Variants in PECR observed in about 807,000 individuals in gnomAD.
PECR encodes peroxisomal trans-2-enoyl-CoA reductase.
A neutral mutation model predicts 35.3 loss-of-function variants in PECR; 30 were observed. The ratio of observed to expected loss-of-function variants is 0.85; its 90% CI spans 0.64 to 1.15. The LOEUF (loss-of-function observed/expected upper bound fraction) is 1.15. PECR is among the 50% of genes most tolerant of loss of function. The pLI is 0.00. For synonymous variants in PECR, 148 were observed against 138.9 expected, an observed-to-expected ratio of 1.07 and a Z score of -0.46; for missense variants, 392 against 370.8, an observed-to-expected ratio of 1.06 and a Z score of -0.47.
chr2:216,079,757 G>A (rs56413716), intron 1 of PECR, among the ~76,000 whole-genome samples: 8,993 of 149,708 alleles, frequency 0.06, 884 homozygotes, highest in African/African-American at 0.21. Context: ...CGAGGCGGGC[G>A]GATCACCTGA....
At chr2:216,071,586 T>C (rs1695588708) in intron 1 of PECR, among the ~76,000 whole-genome samples, 1 of 152,106 alleles carries the variant, frequency 6.6e-6, no homozygotes, top group Admixed American at 6.5e-5. Flanking sequence ...TGGAGAAGGG[T>C]GCAACTTACA....
At chr2:216,079,151 C>CTTTTTTTT (rs77646025) in intron 1 of PECR, among the ~76,000 whole-genome samples, 1 of 99,394 alleles carries the variant, frequency 1.0e-5, no homozygotes, top group African/African-American at 3.3e-5. Flanking sequence ...AATGTTTTTG[C>CTTTTTTTT]TTTTTTTTTT....
intron 4 of PECR, among the ~76,000 whole-genome samples, chr2:216,058,231 G>T (rs938016630): frequency 1.3e-5 from 2 of 152,152 alleles, no homozygotes; most frequent in Admixed American, 6.5e-5. Flanking sequence ...AAGTGATGGG[G>T]ATGTGGCTGG....
In PECR at chr2:216,066,456, G is replaced by A. The variant is rs750799592; in HGVS notation, c.187C>T (p.Gln63Ter). ...ERLKSAADELQANLPPTKQAR... is the reference protein window; with the variant it reads ...ERLKSAADEL ...TGCTTTGTGGGAGGTAGGTTGGCCT[G>A]CAGTTCATCTGCCGCAGACTTCAAT... Residue 63 changes from glutamine to a stop codon, truncating the protein, a stop_gained, in exon 2 of 8, where the codon CAG (glutamine) becomes TAG (stop). Transcript: ENST00000265322. LOFTEE classifies it high-confidence loss of function. 8.7e-6 allele frequency: 14 copies of A among 1,613,166 alleles called. No individual in the cohort carries two copies. The highest frequency in any genetic ancestry group is 6.7e-5 in the Admixed American group (4 of 59,994).
chr2:216,046,310 A>AT (rs869225237), intron 6 of PECR, among the ~76,000 whole-genome samples: 2,537 of 96,986 alleles, frequency 0.026, 136 homozygotes, highest in African/African-American at 0.031. Context: ...ATATATATAT[A>AT]TTTTTTTTTT....
chr2:216,035,488 C>T (rs201791191), downstream of PECR, among the ~76,000 whole-genome samples: 65 of 127,832 alleles, frequency 5.1e-4, no homozygotes, highest in Middle Eastern at 3.8e-3. Flanking sequence ...GAGGGCTCTT[C>T]TTTTTTTTTT....
chr2:216,081,778 C>T lies in PECR; in HGVS notation c.-37G>A. On this transcript the variant is annotated 5_prime_UTR_variant, in exon 1 of 8. Coordinates refer to ENST00000265322, the MANE Select transcript of PECR (RefSeq NM_018441.6). ...GGTGCCAGAGCAGCTGAGCGCAGGC[C>T]CTTCTGGGTCTCAGGGACATTCGAG... is the stretch of plus-strand genomic sequence containing the variant. 1 of 1,608,174 alleles carries T rather than the reference C, an allele frequency of 6.2e-7. No individual in the cohort carries two copies. Among genetic ancestry groups the T allele is most frequent in the Non-Finnish European group, 8.5e-7 (1 of 1,179,000 alleles).
chr2:216,034,140 CA>C (rs1263134352), downstream of PECR: 1 of 152,220 alleles, frequency 6.6e-6, no homozygotes, highest in Non-Finnish European at 1.5e-5. Context: ...ACTGCCCAGA[CA>C]GGCTGGTGTT....
chr2:216,060,518 C>T (rs934245946), intron 3 of PECR, among the ~76,000 whole-genome samples: 1 of 152,038 alleles, frequency 6.6e-6, no homozygotes, highest in Admixed American at 6.6e-5. Context: ...AAAAATTAGC[C>T]TGGCATGGTG....
intron 3 of PECR, among the ~76,000 whole-genome samples, chr2:216,064,920 G>C (rs1244902915): frequency 6.6e-6 from 1 of 152,142 alleles, no homozygotes; most frequent in Non-Finnish European, 1.5e-5. Context: ...CTAATTAGTT[G>C]TTAGAGAGCA....
intron 1 of PECR, among the ~76,000 whole-genome samples, chr2:216,078,466 A>G (rs940483880): frequency 6.6e-6 from 1 of 152,032 alleles, no homozygotes; most frequent in Non-Finnish European, 1.5e-5. Context: ...CCCCGTCTCT[A>G]TTAAAAATAC....
chr2:216,042,957 A>G (rs1694913900), intron 7 of PECR, among the ~76,000 whole-genome samples: 1 of 117,254 alleles, frequency 8.5e-6, no homozygotes, highest in African/African-American at 3.2e-5. Context: ...ATGTGTATAT[A>G]TATATACACA....
intron 3 of PECR, among the ~76,000 whole-genome samples, chr2:216,061,579 A>AG (rs1249537441): frequency 6.6e-6 from 1 of 152,146 alleles, no homozygotes; most frequent in Non-Finnish European, 1.5e-5. Context: ...CCATATATGA[A>AG]GGGGTCTTGC....
chr2:216,062,636 T>A (rs1695378704), intron 3 of PECR, among the ~76,000 whole-genome samples: 1 of 152,096 alleles, frequency 6.6e-6, no homozygotes, highest in South Asian at 2.1e-4. Flanking sequence ...ATAAGTAATA[T>A]ATGGTCATAT....
At position 216,058,904 on chromosome 2, in the gene PECR, G is replaced by A. The variant is rs748981310; in HGVS notation, c.497C>T (p.Pro166Leu). The change falls in exon 4 of 8, where the codon CCA (proline) becomes CTA (leucine). Residue 166 changes from proline (P) to leucine (L), a missense_variant. Pro to Leu is a moderately conservative substitution (Grantham distance 98, BLOSUM62 -3). Transcript: ENST00000265322. ...NIIVPTKAGF[P>L]LAVHSGAARA... ...ATATAAAAACGCTTACACAGCTAAT[G>A]GAAATCCAGCTTTAGTAGGGACAAT... is the stretch of plus-strand genomic sequence containing the variant. The A allele has an allele frequency of 3.1e-6, 5 of 1,591,742 alleles. No individual in the cohort carries two copies. The East Asian group carries it at 8.9e-5, about 28-fold the overall frequency.
At chr2:216,044,254 G>A (rs1377625391) in intron 6 of PECR, among the ~76,000 whole-genome samples, 1 of 152,206 alleles carries the variant, frequency 6.6e-6, no homozygotes, top group East Asian at 1.9e-4. Context: ...AAGGTATGAG[G>A]GAGCCTTAGA....
rs1314072164 is a variant in PECR at position 216,043,944 on chromosome 2, A to G, written c.786T>C (p.Asp262=). 4.3e-6 allele frequency: 7 copies of G among 1,611,884 alleles called. No individual in the cohort carries two copies. The highest frequency in any genetic ancestry group is 1.1e-5 in the South Asian group (1 of 91,056). The change falls in exon 7 of 8, where the codon GAT becomes GAC. Residue 262 remains aspartate (D), a synonymous_variant. Coordinates refer to ENST00000265322, the MANE Select transcript of PECR (RefSeq NM_018441.6). ...SFITGQSVDV[D]GGRSLYTHSY... is the part of the protein sequence containing the mutation. ...AGTGAGTATAGAGACTCCGGCCCCC[A>G]TCCACATCCACCGACTGTCCAGTGA...
At chr2:216,043,256 C>T (rs935364742) in intron 7 of PECR, among the ~76,000 whole-genome samples, 15 of 151,556 alleles carry the variant, frequency 9.9e-5, no homozygotes, top group African/African-American at 3.6e-4. Flanking sequence ...TACAGGCACC[C>T]GCCACCAAGC....
At position 216,066,381 on chromosome 2, in the gene PECR, T is replaced by C. The variant is rs377395091; in HGVS notation, c.258+4A>G. ...AATAAATGATACAGATATATCTCCA[T>C]TACCTCCTCCTCATTCCGGATGTTG... is the stretch of plus-strand genomic sequence containing the variant. On this transcript the variant is annotated splice_donor_region_variant and intron_variant, in intron 2 of 7. Transcript: ENST00000265322. 7 of 1,611,022 alleles carry C rather than the reference T, an allele frequency of 4.3e-6. No individual in the cohort carries two copies. The highest frequency in any genetic ancestry group is 5.9e-6 in the Non-Finnish European group (7 of 1,177,148).
Sources: gnomAD v4.1 joint callset for allele counts (sites outside exome capture counted in the v4.1 genomes callset) on GRCh38, gnomAD v4.1.1 for gene constraint, MANE v1.5 for transcripts, NCBI Gene and HGNC (gene_info 2026-07-23, HGNC 2026-07-21) for gene names.